TTC28: variants seen among roughly 807,000 people sequenced by gnomAD.
The protein encoded by TTC28 is tetratricopeptide repeat protein 28.
Under a neutral mutation model 198.0 loss-of-function variants are expected in TTC28, and 61 were observed. That is an observed-to-expected ratio of 0.31 (90% CI 0.25 to 0.38). The LOEUF (loss-of-function observed/expected upper bound fraction) is 0.38. TTC28 is among the 10% of genes least tolerant of loss of function. TTC28 has a pLI of 1.00. For synonymous variants in TTC28, 1,171 were observed against 1,297.8 expected (o/e 0.90, Z 2.10); for missense variants, 2,678 against 3,164.0 (o/e 0.85, Z 3.69).
chr22:28,378,025 A>C (rs1046443315), intron 2 of TTC28, among the ~76,000 whole-genome samples: 2 of 152,192 alleles, frequency 1.3e-5, no homozygotes, highest in Non-Finnish European at 2.9e-5. Flanking sequence ...CAAAGCAAAA[A>C]AAATGCAATG....
chr22:28,094,228 C>A lies in TTC28; in HGVS notation c.3784G>T (p.Glu1262Ter). Residue 1262 changes from glutamate (E) to a stop codon, truncating the protein, a stop_gained, in exon 12 of 23, where the codon GAA (glutamate) becomes TAA (stop). Transcript: ENST00000397906. LOFTEE classifies it high-confidence loss of function. ...APGAGIVKFH[E>*]HYLGENTVEN... ...ACTGTGTTCTCACCCAGGTAGTGTT[C>A]ATGAAACTTCACAATTCCTGAAGCA... 1 of 1,544,526 alleles carries A rather than the reference C, an allele frequency of 6.5e-7. No individual in the cohort carries two copies. The highest frequency in any genetic ancestry group is 1.2e-5 in the South Asian group (1 of 82,728).
intron 1 of TTC28, among the ~76,000 whole-genome samples, chr22:28,641,525 T>C (rs763420415): frequency 2.6e-4 from 39 of 152,244 alleles, no homozygotes; most frequent in Non-Finnish European, 4.7e-4. Flanking sequence ...AAAATGAGGA[T>C]TGACTCTTAA....
intron 5 of TTC28, among the ~76,000 whole-genome samples, chr22:28,287,333 A>G (rs2044704390): frequency 6.6e-6 from 1 of 152,226 alleles, no homozygotes; most frequent in Non-Finnish European, 1.5e-5. Flanking sequence ...CAAACAAGTT[A>G]ATTCCAAGTG....
chr22:28,558,517 T>C (rs1189417281), intron 2 of TTC28, among the ~76,000 whole-genome samples: 2 of 151,372 alleles, frequency 1.3e-5, no homozygotes, highest in Non-Finnish European at 2.9e-5. Context: ...CTACTAAAAA[T>C]ACAAAATATT....
chr22:28,453,069 T>C (rs1300776608), intron 2 of TTC28, among the ~76,000 whole-genome samples: 4 of 152,224 alleles, frequency 2.6e-5, no homozygotes, highest in Non-Finnish European at 5.9e-5. Context: ...ACAGTTCCTG[T>C]ATACAGTTAT....
chr22:28,358,521 T>C (rs1332570406), intron 2 of TTC28, among the ~76,000 whole-genome samples: 1 of 152,206 alleles, frequency 6.6e-6, no homozygotes, highest in African/African-American at 2.4e-5. Context: ...TGAGGCAACA[T>C]GTCAGCTCTG....
intron 2 of TTC28, among the ~76,000 whole-genome samples, chr22:28,464,438 A>G (rs1266833026): frequency 6.6e-6 from 1 of 152,244 alleles, no homozygotes. Flanking sequence ...AAGACTAGTG[A>G]GGAAGCATAT....
intron 13 of TTC28, among the ~76,000 whole-genome samples, chr22:28,027,139 AATAC>A (rs930618592): frequency 1.3e-5 from 2 of 152,138 alleles, no homozygotes; most frequent in African/African-American, 2.4e-5. Flanking sequence ...TGCACATACA[AATAC>A]ATACATACAT....
In TTC28 at chr22:28,130,615, G is replaced by A. The variant is rs117175525; in HGVS notation, c.1442-22212C>T. On this transcript the variant is annotated intron_variant, in intron 6 of 22. Transcript: ENST00000397906. Reference sequence around the variant, plus strand: ...GGGTGAATGCAGATGCAGAAAGAATGCAGATGCAGAAAGATAGCTGGCTAT... The same window carrying A: ...GGGTGAATGCAGATGCAGAAAGAATACAGATGCAGAAAGATAGCTGGCTAT... 7.6e-4 allele frequency among the ~76,000 whole-genome samples: 115 copies of A among 152,316 alleles called. 1 individual carries two copies. In the East Asian group the frequency reaches 0.022, roughly 29 times the overall value.
At chr22:28,086,888 C>T (rs1052865356) in intron 12 of TTC28, among the ~76,000 whole-genome samples, 19 of 151,986 alleles carry the variant, frequency 1.3e-4, no homozygotes, top group Admixed American at 3.3e-4. Flanking sequence ...AACACCTCTA[C>T]GCAAATAAAC....
intron 2 of TTC28, among the ~76,000 whole-genome samples, chr22:28,493,048 A>T (rs1490774276): frequency 8.6e-6 from 1 of 116,658 alleles, no homozygotes; most frequent in Non-Finnish European, 1.7e-5. Flanking sequence ...TCACGATACT[A>T]AAAAAAAAAA....
chr22:28,228,892 C>T (rs773586319), intron 5 of TTC28, among the ~76,000 whole-genome samples: 1 of 152,146 alleles, frequency 6.6e-6, no homozygotes, highest in Non-Finnish European at 1.5e-5. Context: ...CGTGGTGGCT[C>T]ACGCCTGTAA....
At chr22:28,415,416 T>G (rs1255355739) in intron 2 of TTC28, among the ~76,000 whole-genome samples, 1 of 152,186 alleles carries the variant, frequency 6.6e-6, no homozygotes, top group Non-Finnish European at 1.5e-5. Flanking sequence ...TGAAACATAT[T>G]TTCAATGTGA....
At chr22:28,086,357 A>T (rs1267311469) in intron 12 of TTC28, among the ~76,000 whole-genome samples, 5 of 152,150 alleles carry the variant, frequency 3.3e-5, no homozygotes, top group African/African-American at 4.8e-5. Flanking sequence ...GGATTAAGAA[A>T]CTCACTCAAA....
intron 2 of TTC28, among the ~76,000 whole-genome samples, chr22:28,629,006 G>T (rs934078062): frequency 1.3e-5 from 2 of 151,948 alleles, no homozygotes; most frequent in South Asian, 2.1e-4. Context: ...GAAACTAGGG[G>T]TTAGGTTAGG....
At chr22:28,316,015 A>T (rs1283213994) in intron 2 of TTC28, among the ~76,000 whole-genome samples, 1 of 152,172 alleles carries the variant, frequency 6.6e-6, no homozygotes, top group African/African-American at 2.4e-5. Context: ...TTATTTGCAT[A>T]AGGCACAAAG....
At position 28,001,564 on chromosome 22, in the gene TTC28, A is replaced by G. The variant is rs544627557; in HGVS notation, c.4219-11T>C. ...GGAGTGCATCAGGCCCTATGGAGCA[A>G]GCACGGAGAGGCTGACATGGGTGGC... On this transcript the variant is annotated splice_polypyrimidine_tract_variant and intron_variant, in intron 14 of 22. Coordinates refer to ENST00000397906, the MANE Select transcript of TTC28 (RefSeq NM_001145418.2). 1.7e-4 allele frequency: 265 copies of G among 1,544,628 alleles called. 4 individuals carry two copies. The East Asian group carries it at 6.5e-3, about 38-fold the overall frequency.
chr22:28,194,140 A>C (rs189858122), intron 5 of TTC28, among the ~76,000 whole-genome samples: 1 of 151,918 alleles, frequency 6.6e-6, no homozygotes, highest in Non-Finnish European at 1.5e-5. Flanking sequence ...ACTCAAAACC[A>C]CTCAACTATA....
chr22:28,414,826 T>C (rs554957159), intron 2 of TTC28, among the ~76,000 whole-genome samples: 1 of 152,340 alleles, frequency 6.6e-6, no homozygotes, highest in East Asian at 1.9e-4. Context: ...ATTTCCAATT[T>C]TGCATGGAAA....
Sources: gnomAD v4.1 joint callset for allele counts (sites outside exome capture counted in the v4.1 genomes callset) on GRCh38, gnomAD v4.1.1 for gene constraint, MANE v1.5 for transcripts, NCBI Gene and HGNC (gene_info 2026-07-23, HGNC 2026-07-21) for gene names.